GALNTL6: variants seen among roughly 807,000 people sequenced by gnomAD.
The protein encoded by GALNTL6 is polypeptide N-acetylgalactosaminyltransferase-like 6.
Under a neutral mutation model 73.7 loss-of-function variants are expected in GALNTL6, and 46 were observed. The observed-to-expected ratio is 0.62, with a 90% CI of 0.49 to 0.80. The LOEUF is 0.80. Ranked by LOEUF, GALNTL6 falls within the 30% of genes least tolerant of loss-of-function variation. GALNTL6 has a pLI of 0.00. For missense variants in GALNTL6, 604 were observed against 755.0 expected (o/e 0.80, Z 2.34); for synonymous variants, 259 against 263.7 (o/e 0.98, Z 0.17).
intron 2 of GALNTL6, among the ~76,000 whole-genome samples, chr4:172,146,467 G>A (rs1733930324): frequency 6.6e-6 from 1 of 152,126 alleles, no homozygotes. Context: ...TTTTTTATTA[G>A]TACAAAGGCT....
intron 5 of GALNTL6, among the ~76,000 whole-genome samples, chr4:172,724,168 C>T (rs902751210): frequency 6.6e-6 from 1 of 152,156 alleles, no homozygotes; most frequent in Non-Finnish European, 1.5e-5. Flanking sequence ...AAACCTGCGT[C>T]ACCCTATTAA....
intron 5 of GALNTL6, among the ~76,000 whole-genome samples, chr4:172,581,133 A>G (rs890497994): frequency 2.0e-5 from 3 of 152,220 alleles, no homozygotes; most frequent in Non-Finnish European, 2.9e-5. Flanking sequence ...AAGACACAAA[A>G]CATAACAAGA....
intron 5 of GALNTL6, among the ~76,000 whole-genome samples, chr4:172,578,994 A>C (rs1222311385): frequency 2.0e-5 from 3 of 152,228 alleles, no homozygotes; most frequent in African/African-American, 7.2e-5. Flanking sequence ...GTTGATTTAC[A>C]TCCAACTTTA....
chr4:172,326,230 GA>G (rs1192366057), intron 4 of GALNTL6, among the ~76,000 whole-genome samples: 14 of 151,798 alleles, frequency 9.2e-5, no homozygotes, highest in African/African-American at 2.2e-4. Flanking sequence ...TATAAAAAGA[GA>G]AAAAACCCTC....
intron 5 of GALNTL6, among the ~76,000 whole-genome samples, chr4:172,480,479 G>T (rs910504627): frequency 1.3e-5 from 2 of 152,092 alleles, no homozygotes; most frequent in African/African-American, 2.4e-5. Context: ...GAAATCAATT[G>T]AGCTATTATT....
chr4:172,962,129 T>C (rs1323620226), intron 10 of GALNTL6, among the ~76,000 whole-genome samples: 2 of 152,128 alleles, frequency 1.3e-5, no homozygotes, highest in Admixed American at 6.5e-5. Context: ...GGGGGAGCTT[T>C]TGAGCCAGGA....
At chr4:171,824,277 T>A (rs1734768845) in intron 2 of GALNTL6, among the ~76,000 whole-genome samples, 1 of 151,848 alleles carries the variant, frequency 6.6e-6, no homozygotes, top group South Asian at 2.1e-4. Flanking sequence ...AGAAATGGTA[T>A]AATAATTTAA....
chr4:172,216,490 C>G (rs1042809546), intron 2 of GALNTL6, among the ~76,000 whole-genome samples: 10 of 152,032 alleles, frequency 6.6e-5, no homozygotes, highest in Admixed American at 6.6e-4. Context: ...GAGATTTTCT[C>G]CTTGTCTTCT....
chr4:172,038,157 T>C (rs1232779248), intron 2 of GALNTL6, among the ~76,000 whole-genome samples: 3 of 151,866 alleles, frequency 2.0e-5, no homozygotes, highest in Non-Finnish European at 4.4e-5. Context: ...ATTTTCTCAG[T>C]CCTCTCTTAC....
At chr4:172,370,639 A>AAT in intron 5 of GALNTL6, among the ~76,000 whole-genome samples, 1 of 151,502 alleles carries the variant, frequency 6.6e-6, no homozygotes, top group African/African-American at 2.4e-5. Context: ...TCAAAAAAAA[A>AAT]AAAAAAAAAA....
At chr4:172,807,674 T>C (rs1289101926) in intron 5 of GALNTL6, among the ~76,000 whole-genome samples, 1 of 152,228 alleles carries the variant, frequency 6.6e-6, no homozygotes, top group Non-Finnish European at 1.5e-5. Context: ...CTCCCAGGCC[T>C]ACTCTGATTC....
At chr4:171,943,141 A>G (rs1159894844) in intron 2 of GALNTL6, among the ~76,000 whole-genome samples, 1 of 152,246 alleles carries the variant, frequency 6.6e-6, no homozygotes, top group Non-Finnish European at 1.5e-5. Flanking sequence ...AAACAAAAAC[A>G]ATGGCATTAA....
intron 5 of GALNTL6, among the ~76,000 whole-genome samples, chr4:172,778,032 C>T (rs1323232886): frequency 5.3e-5 from 8 of 152,148 alleles, no homozygotes; most frequent in Non-Finnish European, 1.2e-4. Context: ...AAAGCCTCTT[C>T]GTAATTATGT....
At chr4:172,191,560 A>T (rs1030643911) in intron 2 of GALNTL6, among the ~76,000 whole-genome samples, 3 of 152,208 alleles carry the variant, frequency 2.0e-5, no homozygotes, top group Admixed American at 1.3e-4. Context: ...TGAAATCTAC[A>T]CTTTGGATTC....
chr4:172,598,320 G>T (rs1183812826), intron 5 of GALNTL6, among the ~76,000 whole-genome samples: 1 of 152,044 alleles, frequency 6.6e-6, no homozygotes, highest in Non-Finnish European at 1.5e-5. Flanking sequence ...TTTGAGGCGA[G>T]TGACCTCTGC....
intron 5 of GALNTL6, among the ~76,000 whole-genome samples, chr4:172,522,178 A>T (rs573230503): frequency 1.3e-5 from 2 of 152,212 alleles, no homozygotes; most frequent in Non-Finnish European, 2.9e-5. Flanking sequence ...AATTAAAACC[A>T]TATCTAATGT....
intron 10 of GALNTL6, among the ~76,000 whole-genome samples, chr4:172,954,953 G>C (rs1380220048): frequency 6.6e-6 from 1 of 152,152 alleles, no homozygotes; most frequent in East Asian, 1.9e-4. Context: ...TGAAGACATA[G>C]AGGATGGGAG....
At chr4:172,380,281 C>T in intron 5 of GALNTL6, 1 of 776,686 alleles carries the variant, frequency 1.3e-6, no homozygotes, top group Non-Finnish European at 2.4e-6. Context: ...TCATAAAACG[C>T]ACTTTAGGGG....
intron 2 of GALNTL6, among the ~76,000 whole-genome samples, chr4:171,992,171 GA>G (rs1473405444): frequency 6.6e-6 from 1 of 151,966 alleles, no homozygotes; most frequent in Non-Finnish European, 1.5e-5. Context: ...GATGCTATTT[GA>G]ATCTGCATGC....
Sources: gnomAD v4.1 joint callset for allele counts (sites outside exome capture counted in the v4.1 genomes callset) on GRCh38, gnomAD v4.1.1 for gene constraint, MANE v1.5 for transcripts, NCBI Gene and HGNC (gene_info 2026-07-23, HGNC 2026-07-21) for gene names.